Variants in MTFR1 observed in about 807,000 individuals in gnomAD.
MTFR1 encodes the protein chondrocyte protein with a poly-proline region.
In MTFR1, 28 loss-of-function variants were observed where a neutral mutation model predicts 38.8. The ratio of observed to expected loss-of-function variants is 0.72; its 90% CI spans 0.53 to 0.99. The LOEUF is 0.99. Ranked by LOEUF, MTFR1 falls within the 50% of genes least tolerant of loss-of-function variation. The pLI, the probability that MTFR1 is intolerant of heterozygous loss-of-function variation, is 0.00. For synonymous variants in MTFR1, 145 were observed against 137.0 expected, an observed-to-expected ratio of 1.06 and a Z score of -0.41; for missense variants, 358 against 395.5, an observed-to-expected ratio of 0.91 and a Z score of 0.81.
intron 1 of MTFR1, among the ~76,000 whole-genome samples, chr8:65,657,835 G>T (rs1439942839): frequency 6.6e-6 from 1 of 151,924 alleles, no homozygotes; most frequent in Admixed American, 6.6e-5. Context: ...ACATTATGAT[G>T]TTGCAATACA....
At chr8:65,757,445 G>A (rs1433578877) in intron 3 of MTFR1, among the ~76,000 whole-genome samples, 8 of 152,146 alleles carry the variant, frequency 5.3e-5, no homozygotes. Context: ...GTGCATGACT[G>A]TCTCCCAGGG....
chr8:65,769,145 G>C (rs772667775), intron 3 of MTFR1, among the ~76,000 whole-genome samples: 11 of 151,626 alleles, frequency 7.3e-5, no homozygotes, highest in Non-Finnish European at 1.3e-4. Context: ...CTACTTGGGA[G>C]GCTGAGGCAT....
intron 2 of MTFR1, among the ~76,000 whole-genome samples, chr8:65,672,406 A>T (rs908836595): frequency 1.3e-5 from 2 of 152,236 alleles, no homozygotes; most frequent in African/African-American, 4.8e-5. Flanking sequence ...CCTTTCAGTG[A>T]TTAACATGTA....
chr8:65,712,385 C>T (rs1805971683), downstream of MTFR1, among the ~76,000 whole-genome samples: 1 of 152,144 alleles, frequency 6.6e-6, no homozygotes, highest in Non-Finnish European at 1.5e-5. Context: ...CAGGACACAG[C>T]CCTGATGAGC....
chr8:65,766,853 G>A (rs971721649), intron 3 of MTFR1, among the ~76,000 whole-genome samples: 7 of 152,192 alleles, frequency 4.6e-5, no homozygotes, highest in East Asian at 1.9e-4. Context: ...CTTAATGGGT[G>A]TAATACTTAG....
intron 3 of MTFR1, among the ~76,000 whole-genome samples, chr8:65,743,035 T>A (rs1423803788): frequency 6.6e-6 from 1 of 152,234 alleles, no homozygotes; most frequent in Non-Finnish European, 1.5e-5. Flanking sequence ...TAGCAGAGTA[T>A]GTACTTTTTA....
chr8:65,756,273 G>A (rs889236325), intron 3 of MTFR1, among the ~76,000 whole-genome samples: 4 of 152,144 alleles, frequency 2.6e-5, no homozygotes, highest in African/African-American at 4.8e-5. Context: ...GGAATTTACC[G>A]AGCTTCTTGG....
chr8:65,651,278 A>G (rs1244892757), intron 1 of MTFR1, among the ~76,000 whole-genome samples: 2 of 151,364 alleles, frequency 1.3e-5, no homozygotes, highest in Non-Finnish European at 3.0e-5. Flanking sequence ...TTCATTTGCT[A>G]TGCAGAAGCT....
At chr8:65,771,746 G>T (rs1452314822), downstream of MTFR1, among the ~76,000 whole-genome samples, 2 of 151,890 alleles carry the variant, frequency 1.3e-5, no homozygotes, top group South Asian at 4.1e-4. Flanking sequence ...GTGGTGGTGG[G>T]TGCCTGTAAT....
In MTFR1 at chr8:65,730,369, AG is replaced by A. The variant is rs1414198269; in HGVS notation, c.*48+10891del. Among the ~76,000 whole-genome samples the A allele has an allele frequency of 3.3e-5, 5 of 150,182 alleles. No homozygotes were observed. The East Asian group carries it at 1.0e-3, about 30-fold the overall frequency. On this transcript the variant is annotated intron_variant, in intron 3 of 3. Transcript: ENST00000521247. ...CTAATTTTGTATTTTTAGTAGAGAC[AG>A]GGTTTCTCCATGTTGGTCAGGCTGG...
chr8:65,712,787 T>G (rs1271090045), downstream of MTFR1, among the ~76,000 whole-genome samples: 1 of 152,198 alleles, frequency 6.6e-6, no homozygotes, highest in Non-Finnish European at 1.5e-5. Context: ...TCACCTAGTT[T>G]CTGGTTCTTT....
chr8:65,696,725 G>T (rs572911012), intron 4 of MTFR1, among the ~76,000 whole-genome samples: 5 of 149,094 alleles, frequency 3.4e-5, no homozygotes, highest in Non-Finnish European at 6.0e-5. Context: ...CGGGGATGCA[G>T]TCTTGGCTTA....
chr8:65,688,987 A>G (rs1805190091), intron 3 of MTFR1, among the ~76,000 whole-genome samples: 1 of 151,954 alleles, frequency 6.6e-6, no homozygotes, highest in Non-Finnish European at 1.5e-5. Context: ...TCTACTAAAA[A>G]CACAAAAATT....
At chr8:65,656,839 T>G (rs1289856799) in intron 1 of MTFR1, among the ~76,000 whole-genome samples, 1 of 151,604 alleles carries the variant, frequency 6.6e-6, no homozygotes, top group Admixed American at 6.6e-5. Flanking sequence ...GGAGAAGGGG[T>G]TTCAGTATGT....
chr8:65,761,168 C>A (rs1472198653), intron 3 of MTFR1, among the ~76,000 whole-genome samples: 1 of 151,950 alleles, frequency 6.6e-6, no homozygotes, highest in Non-Finnish European at 1.5e-5. Context: ...CTGATTCAAG[C>A]AATTCTCCTG....
At chr8:65,666,694 G>T (rs1247081279) in intron 1 of MTFR1, among the ~76,000 whole-genome samples, 1 of 152,134 alleles carries the variant, frequency 6.6e-6, no homozygotes, top group African/African-American at 2.4e-5. Context: ...AAATGTTCCT[G>T]ATAATCCCGG....
At chr8:65,676,146 C>G (rs894162955) in intron 2 of MTFR1, among the ~76,000 whole-genome samples, 2 of 152,136 alleles carry the variant, frequency 1.3e-5, no homozygotes. Flanking sequence ...TTCACTCCTT[C>G]CCCCTTCCCA....
Position 65,709,212 on chromosome 8 carries a change from G to C in MTFR1, c.*168G>C, listed in dbSNP as rs558724809. On this transcript the variant is annotated 3_prime_UTR_variant, in exon 8 of 8. Transcript: ENST00000262146. ...TAATGAAAGCACTAAGTTTGGTTTT[G>C]CTTTTGTGAGATGGTCAGCTTTGGT... The C allele has an allele frequency of 1.6e-6, 1 of 625,168 alleles. No homozygotes were observed. Among genetic ancestry groups the C allele is most frequent in the African/African-American group, 1.8e-5 (1 of 54,652 alleles). The allele number at this position is 625,168 out of a possible 1,614,324, so 38.7% of individuals were successfully genotyped here.
chr8:65,747,154 T>C (rs1023071591), intron 3 of MTFR1, among the ~76,000 whole-genome samples: 3 of 152,156 alleles, frequency 2.0e-5, no homozygotes, highest in Non-Finnish European at 4.4e-5. Flanking sequence ...CTCATTTGAC[T>C]GAAAGTCACG....
Sources: gnomAD v4.1 joint callset for allele counts (sites outside exome capture counted in the v4.1 genomes callset) on GRCh38, gnomAD v4.1.1 for gene constraint, MANE v1.5 for transcripts, NCBI Gene and HGNC (gene_info 2026-07-23, HGNC 2026-07-21) for gene names.